GPHN: variants seen among roughly 807,000 people sequenced by gnomAD.
GPHN encodes gephyrin.
In GPHN, 17 loss-of-function variants were observed where a neutral mutation model predicts 95.5. The ratio of observed to expected loss-of-function variants is 0.18; its 90% confidence interval spans 0.12 to 0.27. The LOEUF is 0.27. Among genes scored for constraint, GPHN ranks in the 10% least tolerant of loss-of-function variants. GPHN has a pLI of 1.00. For synonymous variants in GPHN, 320 were observed against 322.5 expected (o/e 0.99, Z 0.08); for missense variants, 660 against 978.1 (o/e 0.67, Z 4.34).
chr14:67,323,632 A>G, the GPHN span: 1 of 392,690 alleles, frequency 2.5e-6, no homozygotes, highest in East Asian at 6.0e-5. Flanking sequence ...ATATATATAT[A>G]TATATCAGTA....
chr14:67,692,956 T>C, the GPHN span: 12 of 1,613,738 alleles, frequency 7.4e-6, no homozygotes, highest in Non-Finnish European at 1.0e-5. Context: ...GCTCTTTGGC[T>C]GTCTCCTTCC....
chr14:67,304,238 T>C, the GPHN span, among the ~76,000 whole-genome samples: 1 of 152,194 alleles, frequency 6.6e-6, no homozygotes, highest in Non-Finnish European at 1.5e-5. Flanking sequence ...TTTACTCAGC[T>C]AGATCTGTTA....
the GPHN span, among the ~76,000 whole-genome samples, chr14:67,287,545 T>G: frequency 6.6e-6 from 1 of 152,194 alleles, no homozygotes; most frequent in Middle Eastern, 3.2e-3. Flanking sequence ...ATTAAAAGAT[T>G]GATAATTCTT....
At chr14:67,303,317 G>A in the GPHN span, among the ~76,000 whole-genome samples, 2 of 152,188 alleles carry the variant, frequency 1.3e-5, 1 homozygote, top group South Asian at 4.1e-4. Context: ...ACTATCTACT[G>A]ATTCTGTTGT....
chr14:67,512,076 A>G, the GPHN span, among the ~76,000 whole-genome samples: 6 of 152,212 alleles, frequency 3.9e-5, no homozygotes, highest in African/African-American at 1.4e-4. Context: ...GTGCATCTTT[A>G]TCTTATAGCA....
chr14:66,849,917 A>G (rs1300818286), intron 4 of GPHN, among the ~76,000 whole-genome samples: 1 of 152,112 alleles, frequency 6.6e-6, no homozygotes, highest in African/African-American at 2.4e-5. Context: ...CAATTATTTT[A>G]TCACTCATGC....
the GPHN span, among the ~76,000 whole-genome samples, chr14:67,552,952 G>A: frequency 8.5e-4 from 130 of 152,200 alleles, no homozygotes; most frequent in African/African-American, 3.0e-3. Flanking sequence ...AATAAAATCC[G>A]GAGGGGAAAA....
chr14:67,025,522 A>G (rs2153627738), intron 10 of GPHN, among the ~76,000 whole-genome samples: 1 of 152,320 alleles, frequency 6.6e-6, no homozygotes, highest in South Asian at 2.1e-4. Context: ...TTTGATATGA[A>G]CAAAATTGTT....
the GPHN span, chr14:67,446,029 T>C: frequency 1.9e-6 from 1 of 518,172 alleles, no homozygotes; most frequent in East Asian, 5.5e-5. Flanking sequence ...TTTGTTCATT[T>C]TAATGGCAAG....
At chr14:67,135,786 C>A (rs758984742) in intron 17 of GPHN, among the ~76,000 whole-genome samples, 7 of 152,154 alleles carry the variant, frequency 4.6e-5, no homozygotes, top group East Asian at 3.9e-4. Flanking sequence ...CCTCTTTTCC[C>A]CCCTATCTCT....
chr14:67,374,582 CTG>C, the GPHN span: 1 of 1,369,870 alleles, frequency 7.3e-7, no homozygotes, highest in Non-Finnish European at 1.0e-6. Context: ...AGTCCACTAT[CTG>C]TGTGTTTAAT....
At chr14:66,851,464 G>A (rs2062582878) in intron 4 of GPHN, among the ~76,000 whole-genome samples, 1 of 151,800 alleles carries the variant, frequency 6.6e-6, no homozygotes, top group Non-Finnish European at 1.5e-5. Context: ...TTTTGTGTCT[G>A]GATTCTTTTG....
At chr14:66,943,760 A>C (rs10136344) in intron 8 of GPHN, among the ~76,000 whole-genome samples, 48,333 of 152,024 alleles carry the variant, frequency 0.32, 12,090 homozygotes, top group African/African-American at 0.67. Flanking sequence ...TATATAACTA[A>C]ACAGACAGGC....
intron 1 of GPHN, among the ~76,000 whole-genome samples, chr14:66,674,473 T>C (rs2066478014): frequency 6.6e-6 from 1 of 152,178 alleles, no homozygotes; most frequent in South Asian, 2.1e-4. Flanking sequence ...ACTCCCCTTC[T>C]AAGCCTCTAG....
chr14:67,719,329 T>C, the GPHN span, among the ~76,000 whole-genome samples: 3 of 152,210 alleles, frequency 2.0e-5, no homozygotes, highest in African/African-American at 4.8e-5. Context: ...CGCAATAGAA[T>C]TTGAGTGCCT....
At chr14:66,824,004 T>G (rs1182962867) in intron 3 of GPHN, among the ~76,000 whole-genome samples, 1 of 152,180 alleles carries the variant, frequency 6.6e-6, no homozygotes. Context: ...TTCACTTTGT[T>G]ATAAACTAGG....
the GPHN span, among the ~76,000 whole-genome samples, chr14:67,193,385 AT>A: frequency 7.1e-6 from 1 of 140,336 alleles, no homozygotes; most frequent in Non-Finnish European, 1.5e-5. Context: ...ATCTAGATAT[AT>A]CTAGATATAT....
intron 1 of GPHN, among the ~76,000 whole-genome samples, chr14:66,559,722 G>A (rs1266369694): frequency 6.6e-6 from 1 of 151,440 alleles, no homozygotes; most frequent in Non-Finnish European, 1.5e-5. Flanking sequence ...TTCTTTTGCT[G>A]TGCAGAAGCT....
At chr14:67,125,776 C>CA (rs758111687) in intron 17 of GPHN, among the ~76,000 whole-genome samples, 641 of 91,930 alleles carry the variant, frequency 7.0e-3, no homozygotes, top group African/African-American at 0.021. Flanking sequence ...GACTCTGTCT[C>CA]AAAAAAAAAA....
Sources: gnomAD v4.1 joint callset for allele counts (sites outside exome capture counted in the v4.1 genomes callset) on GRCh38, gnomAD v4.1.1 for gene constraint, MANE v1.5 for transcripts, NCBI Gene and HGNC (gene_info 2026-07-23, HGNC 2026-07-21) for gene names.